Variants in ADGRL3 observed in about 807,000 individuals in gnomAD.
The protein encoded by ADGRL3 is adhesion G protein-coupled receptor L3, also known as calcium-independent alpha-latrotoxin receptor 3.
A neutral mutation model predicts 153.5 loss-of-function variants in ADGRL3; 62 were observed. The observed-to-expected ratio is 0.40, with a 90% confidence interval of 0.33 to 0.50. The LOEUF is 0.50. Among genes scored for constraint, ADGRL3 ranks in the 20% least tolerant of loss-of-function variants. The pLI is 0.47. For missense variants in ADGRL3, 1,641 were observed against 1,859.4 expected (o/e 0.88, Z 2.16); for synonymous variants, 710 against 672.5 (o/e 1.06, Z -0.86).
chr4:61,504,869 CTT>C (rs2098417227), intron 3 of ADGRL3, among the ~76,000 whole-genome samples: 1 of 152,076 alleles, frequency 6.6e-6, no homozygotes, highest in Non-Finnish European at 1.5e-5. Context: ...TTGATGGACA[CTT>C]AGGTTGATTC....
intron 10 of ADGRL3, among the ~76,000 whole-genome samples, chr4:61,893,600 T>A (rs959728861): frequency 6.6e-6 from 1 of 152,038 alleles, no homozygotes; most frequent in African/African-American, 2.4e-5. Context: ...CTTAACACTG[T>A]CAGGGACCAT....
intron 9 of ADGRL3, among the ~76,000 whole-genome samples, chr4:61,869,843 C>CAGGAG (rs2098426281): frequency 6.8e-6 from 1 of 147,634 alleles, no homozygotes; most frequent in African/African-American, 2.5e-5. Flanking sequence ...GAAGCTGAGA[C>CAGGAG]AGGAGGATCG....
At chr4:61,608,114 A>G (rs1012754899) in intron 5 of ADGRL3, among the ~76,000 whole-genome samples, 1 of 152,226 alleles carries the variant, frequency 6.6e-6, no homozygotes, top group Non-Finnish European at 1.5e-5. Flanking sequence ...ATAGGAGGAG[A>G]GCAGTGAATA....
chr4:61,990,952 C>CTGTGTG (rs34294452), intron 19 of ADGRL3, among the ~76,000 whole-genome samples: 2,936 of 142,310 alleles, frequency 0.021, 64 homozygotes, highest in African/African-American at 0.042. Flanking sequence ...ATGTTTGAAA[C>CTGTGTG]TGTGTGTGTG....
intron 19 of ADGRL3, among the ~76,000 whole-genome samples, chr4:61,994,544 T>TA (rs1470185752): frequency 6.6e-6 from 1 of 152,076 alleles, no homozygotes; most frequent in Non-Finnish European, 1.5e-5. Flanking sequence ...AAAATGAGTT[T>TA]AAACGTTATA....
At chr4:61,647,117 G>T (rs974412548) in intron 5 of ADGRL3, among the ~76,000 whole-genome samples, 15 of 152,106 alleles carry the variant, frequency 9.9e-5, no homozygotes, top group Non-Finnish European at 1.6e-4. Flanking sequence ...GTGAGGCAAT[G>T]CCTCGCCCTG....
intron 24 of ADGRL3, among the ~76,000 whole-genome samples, chr4:62,038,292 A>G (rs921950236): frequency 2.6e-5 from 4 of 152,150 alleles, no homozygotes; most frequent in Admixed American, 1.3e-4. Context: ...ACTATGACTC[A>G]ACTATATTAT....
At chr4:61,354,226 C>T (rs2096116101) in intron 1 of ADGRL3, among the ~76,000 whole-genome samples, 1 of 152,110 alleles carries the variant, frequency 6.6e-6, no homozygotes, top group Admixed American at 6.6e-5. Flanking sequence ...TCCTAGTTCT[C>T]ACGACTAATA....
intron 6 of ADGRL3, among the ~76,000 whole-genome samples, chr4:61,711,118 C>A (rs531460491): frequency 1.3e-5 from 2 of 152,098 alleles, no homozygotes; most frequent in South Asian, 4.2e-4. Flanking sequence ...GAGAACCAAT[C>A]CCAAGATATC....
chr4:61,712,717 C>T (rs1231241044), intron 6 of ADGRL3, among the ~76,000 whole-genome samples: 2 of 152,166 alleles, frequency 1.3e-5, no homozygotes, highest in Non-Finnish European at 2.9e-5. Flanking sequence ...ATCACTGATA[C>T]CACTATGTGA....
chr4:61,647,071 A>C (rs968662714), intron 5 of ADGRL3, among the ~76,000 whole-genome samples: 21 of 152,076 alleles, frequency 1.4e-4, no homozygotes, highest in Admixed American at 4.6e-4. Context: ...TTCTTTGACT[A>C]GGAAAGGGAA....
intron 8 of ADGRL3, among the ~76,000 whole-genome samples, chr4:61,744,521 C>A (rs2096627788): frequency 6.6e-6 from 1 of 152,148 alleles, no homozygotes; most frequent in South Asian, 2.1e-4. Flanking sequence ...ACAAAAATTC[C>A]AGAGGAGCTA....
At chr4:61,932,650 C>G (rs934727597) in intron 13 of ADGRL3, among the ~76,000 whole-genome samples, 1 of 152,130 alleles carries the variant, frequency 6.6e-6, no homozygotes, top group Non-Finnish European at 1.5e-5. Flanking sequence ...GTGTCTAAGT[C>G]TGGCTTTGGT....
chr4:62,023,174 G>A (rs1347228779), intron 21 of ADGRL3, among the ~76,000 whole-genome samples: 1 of 152,162 alleles, frequency 6.6e-6, no homozygotes, highest in African/African-American at 2.4e-5. Context: ...GGTGAATGAG[G>A]AGTTCAAGAC....
intron 8 of ADGRL3, 69 bp from the exon 9 acceptor site, chr4:61,813,740 T>C: frequency 6.3e-7 from 1 of 1,574,840 alleles, no homozygotes; most frequent in South Asian, 1.1e-5. Context: ...TGTTATATCA[T>C]AAAAACAATT....
At chr4:61,574,892 A>T (rs1308527052) in intron 4 of ADGRL3, among the ~76,000 whole-genome samples, 4 of 151,812 alleles carry the variant, frequency 2.6e-5, no homozygotes, top group Non-Finnish European at 5.9e-5. Context: ...AAATTTTAGT[A>T]TGTTATTTAT....
At chr4:61,380,670 A>G (rs2096656586) in intron 1 of ADGRL3, among the ~76,000 whole-genome samples, 1 of 151,994 alleles carries the variant, frequency 6.6e-6, no homozygotes, top group Admixed American at 6.6e-5. Flanking sequence ...ATTGCTTTTT[A>G]TGTCGCTTTC....
At chr4:61,870,883 A>T (rs1346056129) in intron 9 of ADGRL3, among the ~76,000 whole-genome samples, 3 of 152,194 alleles carry the variant, frequency 2.0e-5, no homozygotes, top group African/African-American at 7.2e-5. Context: ...AAACAATCTG[A>T]TAGTTCCTCA....
Position 61,860,209 on chromosome 4 carries a change from G to A in ADGRL3, c.1481-32447G>A, listed in dbSNP as rs1007828890. Reference sequence around the variant, plus strand: ...TAGCTTAAAGTTAAGAAACACAGTTGTGTTCTGTGGGTGTGCATGTGTGTA... The same window carrying A: ...TAGCTTAAAGTTAAGAAACACAGTTATGTTCTGTGGGTGTGCATGTGTGTA... On this transcript the variant is annotated intron_variant, in intron 9 of 26. Coordinates refer to ENST00000683033, the MANE Select transcript of ADGRL3 (RefSeq NM_001387552.1). Among the ~76,000 whole-genome samples, 10 of 152,048 alleles carry A rather than the reference G, an allele frequency of 6.6e-5. No individual in the cohort carries two copies. In the East Asian group the frequency reaches 1.9e-3, roughly 29 times the overall value.
Sources: allele counts gnomAD v4.1 joint callset (sites outside exome capture counted in the v4.1 genomes callset), GRCh38; gene constraint gnomAD v4.1.1; transcripts MANE v1.5; gene names NCBI Gene and HGNC (gene_info 2026-07-23, HGNC 2026-07-21).